The following SSBP2 variants were observed in gnomAD, a reference collection of about 807,000 sequenced individuals.
The protein encoded by SSBP2 is single stranded DNA binding protein 2, also known as single-stranded DNA-binding protein 2.
In SSBP2, 17 loss-of-function variants were observed where a neutral mutation model predicts 61.8. That is an observed-to-expected ratio of 0.28 (90% confidence interval 0.19 to 0.41). SSBP2 has a LOEUF of 0.41. Ranked by LOEUF, SSBP2 falls within the 10% of genes least tolerant of loss-of-function variation. SSBP2 has a pLI of 1.00. For synonymous variants in SSBP2, 139 were observed against 141.3 expected, an observed-to-expected ratio of 0.98 and a Z score of 0.12; for missense variants, 310 against 458.7, an observed-to-expected ratio of 0.68 and a Z score of 2.96.
At chr5:81,587,048 CT>C in intron 4 of SSBP2, among the ~76,000 whole-genome samples, 1 of 152,190 alleles carries the variant, frequency 6.6e-6, no homozygotes, top group South Asian at 2.1e-4. Context: ...CAGACTTTCC[CT>C]TATAAGCTAT....
chr5:81,750,459 C>G, intron 1 of SSBP2, among the ~76,000 whole-genome samples: 1 of 145,674 alleles, frequency 6.9e-6, no homozygotes, highest in Non-Finnish European at 1.5e-5. Flanking sequence ...CGCCTCGCCC[C>G]GCGCTCGCGG....
chr5:81,427,015 T>C (rs1356171544), intron 16 of SSBP2, among the ~76,000 whole-genome samples: 1 of 152,260 alleles, frequency 6.6e-6, no homozygotes, highest in Non-Finnish European at 1.5e-5. Flanking sequence ...GTAGGTGTTA[T>C]ATTTATTTCA....
At chr5:81,488,889 G>T (rs962878257) in intron 6 of SSBP2, among the ~76,000 whole-genome samples, 1 of 151,826 alleles carries the variant, frequency 6.6e-6, no homozygotes, top group African/African-American at 2.4e-5. Flanking sequence ...AATTAGGTTC[G>T]AAGTATAAGG....
chr5:81,515,684 T>G, intron 4 of SSBP2, among the ~76,000 whole-genome samples: 1 of 97,362 alleles, frequency 1.0e-5, no homozygotes, highest in African/African-American at 3.9e-5. Flanking sequence ...AATTGCTTAT[T>G]TTTTTTTTCT....
At chr5:81,699,101 T>C (rs827065) in intron 1 of SSBP2, among the ~76,000 whole-genome samples, 51,654 of 152,090 alleles carry the variant, frequency 0.34, 9,310 homozygotes, top group Middle Eastern at 0.55. Context: ...GTCTAAAAAA[T>C]GTACATACCT....
intron 2 of SSBP2, among the ~76,000 whole-genome samples, chr5:81,648,214 ACTT>A (rs1379779531): frequency 4.6e-5 from 7 of 152,238 alleles, no homozygotes; most frequent in Admixed American, 2.0e-4. Flanking sequence ...AATCTCAATC[ACTT>A]CTTCTATAAT....
chr5:81,461,193 A>C, intron 9 of SSBP2, 90 bp from the exon 10 acceptor site: 1 of 1,012,480 alleles, frequency 9.9e-7, no homozygotes, highest in Admixed American at 2.9e-5. Flanking sequence ...AACATTTATA[A>C]TTCAGTTACT....
chr5:81,718,726 A>C (rs1177655422), intron 1 of SSBP2, among the ~76,000 whole-genome samples: 1 of 152,226 alleles, frequency 6.6e-6, no homozygotes, highest in African/African-American at 2.4e-5. Flanking sequence ...ACATCTGAAA[A>C]GAGGGTGTCA....
intron 14 of SSBP2, chr5:81,437,778 TA>T (rs1197828582): frequency 1.2e-5 from 2 of 172,700 alleles, no homozygotes; most frequent in Admixed American, 1.2e-4. Context: ...ATTAAAAATT[TA>T]AAAATGTATA....
chr5:81,738,627 A>G (rs562822629), intron 1 of SSBP2, among the ~76,000 whole-genome samples: 1 of 152,264 alleles, frequency 6.6e-6, no homozygotes, highest in East Asian at 1.9e-4. Context: ...TAAAACTTCT[A>G]CCAACAATTG....
In SSBP2 at chr5:81,581,434, T is replaced by A. The variant is rs531805140; in HGVS notation, c.282+34039A>T. 2.6e-5 allele frequency among the ~76,000 whole-genome samples: 4 copies of A among 152,348 alleles called. No homozygotes were observed. In the East Asian group the frequency reaches 7.7e-4, roughly 29 times the overall value. On this transcript the variant is annotated intron_variant, in intron 4 of 16. Transcript: ENST00000320672. ...TTACAATTTTGTGAAGGCTGTATCA[T>A]GTTAACAGAAACCTGCAGAGCCAAG...
intron 4 of SSBP2, among the ~76,000 whole-genome samples, chr5:81,558,256 G>T (rs1395316177): frequency 1.3e-5 from 2 of 152,094 alleles, no homozygotes; most frequent in Admixed American, 6.6e-5. Flanking sequence ...ACATGTCTTA[G>T]TCTGGGTGGC....
At chr5:81,635,402 T>C (rs1294143838) in intron 3 of SSBP2, among the ~76,000 whole-genome samples, 1 of 152,098 alleles carries the variant, frequency 6.6e-6, no homozygotes, top group Non-Finnish European at 1.5e-5. Context: ...TAGCTGTTAT[T>C]TTGGAACAAG....
chr5:81,457,978 CT>C (rs1454667224), intron 10 of SSBP2, among the ~76,000 whole-genome samples: 4 of 152,072 alleles, frequency 2.6e-5, no homozygotes, highest in Admixed American at 2.6e-4. Context: ...CACAAAATTA[CT>C]TCTGTAGTAT....
chr5:81,616,843 C>T (rs1339944325), intron 3 of SSBP2, among the ~76,000 whole-genome samples: 1 of 152,290 alleles, frequency 6.6e-6, no homozygotes, highest in South Asian at 2.1e-4. Context: ...CAGGGGCAGA[C>T]TGACACCTCA....
At chr5:81,750,625 A>C (rs1464949845) in intron 1 of SSBP2, 3 of 136,240 alleles carry the variant, frequency 2.2e-5, no homozygotes, top group East Asian at 2.5e-4. Flanking sequence ...GCGGCTCCCC[A>C]GGTCCCCGGA....
intron 1 of SSBP2, among the ~76,000 whole-genome samples, chr5:81,684,058 A>G (rs1171045365): frequency 6.6e-6 from 1 of 152,240 alleles, no homozygotes; most frequent in African/African-American, 2.4e-5. Context: ...TTACAAAGCT[A>G]AACACATTCT....
At chr5:81,506,673 A>T (rs1466617197) in intron 5 of SSBP2, among the ~76,000 whole-genome samples, 1 of 152,192 alleles carries the variant, frequency 6.6e-6, no homozygotes, top group Non-Finnish European at 1.5e-5. Context: ...GGGCATGTAG[A>T]TTATTTAACT....
intron 4 of SSBP2, among the ~76,000 whole-genome samples, chr5:81,597,051 C>A (rs138457825): frequency 1.1e-3 from 161 of 152,250 alleles, no homozygotes; most frequent in African/African-American, 3.7e-3. Flanking sequence ...AGTGTACAGG[C>A]AACCTGTTGG....
Sources: allele counts gnomAD v4.1 joint callset (sites outside exome capture counted in the v4.1 genomes callset), GRCh38; gene constraint gnomAD v4.1.1; transcripts MANE v1.5; gene names NCBI Gene and HGNC (gene_info 2026-07-23, HGNC 2026-07-21).